The following SPATA6L variants were observed in gnomAD, a reference collection of about 807,000 sequenced individuals.
The protein encoded by SPATA6L is spermatogenesis associated 6-like protein.
SPATA6L carries 68 observed loss-of-function variants against 49.2 expected under a neutral mutation model. The ratio of observed to expected loss-of-function variants is 1.38; its 90% CI spans 1.14 to 1.69. SPATA6L has a LOEUF of 1.69. Ranked by LOEUF, SPATA6L falls within the 40% of genes most tolerant of loss-of-function variation. The pLI, the probability that SPATA6L is intolerant of heterozygous loss-of-function variation, is 0.00. For synonymous variants in SPATA6L, 198 were observed against 165.7 expected (o/e 1.19, Z -1.50); for missense variants, 668 against 464.3 (o/e 1.44, Z -4.03).
chr9:4,635,164 G>A, intron 4 of SPATA6L, 111 bp downstream of exon 4: 1 of 1,203,984 alleles, frequency 8.3e-7, no homozygotes, highest in Non-Finnish European at 1.1e-6. Flanking sequence ...CTACTAAACA[G>A]AACAGCAGGG....
At chr9:4,653,821 C>G (rs1587467861) in intron 3 of SPATA6L, among the ~76,000 whole-genome samples, 1 of 152,284 alleles carries the variant, frequency 6.6e-6, no homozygotes, top group East Asian at 1.9e-4. Context: ...CCTATAGTCC[C>G]AGCTACTTCA....
At chr9:4,643,602 G>C (rs1035103098) in intron 3 of SPATA6L, among the ~76,000 whole-genome samples, 9 of 152,194 alleles carry the variant, frequency 5.9e-5, no homozygotes, top group African/African-American at 2.2e-4. Context: ...GTAAACTACA[G>C]GTAATAATGT....
Position 4,662,537 on chromosome 9 carries a change from C to T in SPATA6L, c.40-501G>A, listed in dbSNP as rs186498890. On this transcript the variant is annotated intron_variant, in intron 1 of 11. Coordinates refer to ENST00000682582, the MANE Select transcript of SPATA6L (RefSeq NM_001353486.2). The surrounding 1 kb of genome is among the most constrained non-coding windows in gnomAD (Gnocchi z 4.9). Reference sequence around the variant, plus strand: ...GCCGCGCCACGGCCGTGGACCCCACCTGCGCCCGGCTCCGTGCATCGGAGA... The same window carrying T: ...GCCGCGCCACGGCCGTGGACCCCACTTGCGCCCGGCTCCGTGCATCGGAGA... 2.7e-5 allele frequency: 42 copies of T among 1,568,356 alleles called. No homozygotes were observed. In the Admixed American group the frequency reaches 3.4e-4, roughly 13 times the overall value.
chr9:4,651,319 A>G (rs921622302), intron 3 of SPATA6L, among the ~76,000 whole-genome samples: 2 of 152,252 alleles, frequency 1.3e-5, no homozygotes, highest in Non-Finnish European at 2.9e-5. Context: ...AAGAAGAAAC[A>G]GAAAATCTGA....
Position 4,662,423 on chromosome 9 carries a change from C to A in SPATA6L, c.40-387G>T. On this transcript the variant is annotated intron_variant, in intron 1 of 11. Coordinates refer to ENST00000682582, the MANE Select transcript of SPATA6L (RefSeq NM_001353486.2). This position sits in a 1 kb window ranked among gnomAD's most constrained non-coding sequence, Gnocchi z 4.9. ...TGGAGGGACGGCCGCTGGGCGTCTCCGCTTCGAGCAGCAGCAGCAGCCCCG... is the reference window on the plus strand; with the variant it reads ...TGGAGGGACGGCCGCTGGGCGTCTCAGCTTCGAGCAGCAGCAGCAGCCCCG... The A allele has an allele frequency of 6.5e-7, 1 of 1,539,964 alleles. No individual in the cohort carries two copies. The highest frequency in any genetic ancestry group is 8.7e-7 in the Non-Finnish European group (1 of 1,151,318).
At position 4,659,541 on chromosome 9, in the gene SPATA6L, A is replaced by T. The variant is rs183395975; in HGVS notation, c.177+2358T>A. On this transcript the variant is annotated intron_variant, in intron 2 of 11. Transcript: ENST00000682582. ...AAAATAAAAAAGAGGACACAAACAA[A>T]CGGAAGAAGATTCCATGCTCATGGA... is the stretch of plus-strand genomic sequence containing the variant. Among the ~76,000 whole-genome samples, 319 of 152,268 alleles carry T rather than the reference A, an allele frequency of 2.1e-3. 1 individual carries two copies. Among genetic ancestry groups the T allele is most frequent in the African/African-American group, 4.2e-3 (176 of 41,548 alleles).
chr9:4,660,858 A>T (rs1418284431), intron 2 of SPATA6L, among the ~76,000 whole-genome samples: 3 of 152,260 alleles, frequency 2.0e-5, no homozygotes, highest in African/African-American at 7.2e-5. Flanking sequence ...GCCATAAAAA[A>T]GGATGAGTTC....
rs940088617 is a variant in SPATA6L, at chr9:4,626,362, G to A, written c.430-796C>T. ...CACAGGAACCTTCCTCCAAGCTCCTGTGGCACCAGCAGTGAGCAGTGCCCC... is the reference window on the plus strand; with the variant it reads ...CACAGGAACCTTCCTCCAAGCTCCTATGGCACCAGCAGTGAGCAGTGCCCC... On this transcript the variant is annotated intron_variant, in intron 5 of 11. Transcript: ENST00000682582. The A allele has an allele frequency of 4.0e-5, 51 of 1,268,262 alleles. No individual in the cohort carries two copies. In the African/African-American group the frequency reaches 7.3e-4, roughly 18 times the overall value. 78.6% of individuals were successfully genotyped at this position (1,268,262 alleles called of 1,614,324 possible). A position where few individuals can be genotyped will look rare whatever the true frequency, so the allele number is the denominator to read the frequency against.
intron 3 of SPATA6L, chr9:4,646,499 G>T: frequency 6.6e-7 from 1 of 1,517,918 alleles, no homozygotes; most frequent in African/African-American, 1.4e-5. Flanking sequence ...GGAGGAACTA[G>T]CTGTATTAAT....
rs576894346 is a variant in SPATA6L, at chr9:4,611,815, A to T, written c.995+6108T>A. 1.8e-3 allele frequency among the ~76,000 whole-genome samples: 279 copies of T among 151,342 alleles called. 5 individuals are homozygous for T. The Middle Eastern group carries it at 0.024, about 13-fold the overall frequency. ...AAGTATAATAATAAAAGAAAAAAAA[A>T]TTTTTAATCCAAAAAATTTTAATAT... On this transcript the variant is annotated intron_variant, in intron 9 of 11. Coordinates refer to ENST00000682582, the MANE Select transcript of SPATA6L (RefSeq NM_001353486.2).
chr9:4,594,499 A>G (rs1030398337), downstream of SPATA6L, among the ~76,000 whole-genome samples: 2 of 152,228 alleles, frequency 1.3e-5, no homozygotes, highest in African/African-American at 2.4e-5. Flanking sequence ...GGTGTGAGCC[A>G]CCGCGCCCAG....
At chr9:4,663,289 G>A in intron 1 of SPATA6L, 1 of 1,599,076 alleles carries the variant, frequency 6.3e-7, no homozygotes, top group Non-Finnish European at 8.5e-7. Flanking sequence ...TATGGCACCA[G>A]GAAGTCTGAA....
intron 11 of SPATA6L, among the ~76,000 whole-genome samples, chr9:4,602,277 C>T (rs965639726): frequency 2.0e-5 from 3 of 152,064 alleles, no homozygotes; most frequent in Admixed American, 6.5e-5. Context: ...ATCATGTGGG[C>T]TATGTTCCGT....
In SPATA6L at chr9:4,632,111, C is replaced by G. The variant is rs568362972; in HGVS notation, c.352-2943G>C. 4.1e-4 allele frequency among the ~76,000 whole-genome samples: 58 copies of G among 142,856 alleles called. 1 individual carries two copies. The South Asian group carries it at 0.013, about 31-fold the overall frequency. 93.7% of individuals were successfully genotyped at this position (142,856 alleles called of 152,430 possible). ...CTGGAGTGCAGTGGCATGATCTTGG[C>G]TCACTCTGACCTCTGCCTCCTGCCT... On this transcript the variant is annotated intron_variant, in intron 4 of 11. Coordinates refer to ENST00000682582, the MANE Select transcript of SPATA6L (RefSeq NM_001353486.2).
chr9:4,593,400 C>T (rs903192870), downstream of SPATA6L, among the ~76,000 whole-genome samples: 8 of 152,034 alleles, frequency 5.3e-5, no homozygotes, highest in Admixed American at 4.6e-4. Flanking sequence ...ATCATTGTAT[C>T]CCTCCCTTAT....
chr9:4,619,849 T>C (rs752045262), intron 7 of SPATA6L, among the ~76,000 whole-genome samples: 3 of 152,020 alleles, frequency 2.0e-5, no homozygotes, highest in Non-Finnish European at 2.9e-5. Flanking sequence ...AATGAGGTAA[T>C]AAAGACACAG....
At chr9:4,615,105 A>G (rs10114973) in intron 9 of SPATA6L, among the ~76,000 whole-genome samples, 1 of 152,020 alleles carries the variant, frequency 6.6e-6, no homozygotes, top group Non-Finnish European at 1.5e-5. Context: ...ACCTCTATGA[A>G]CCCCATCATA....
chr9:4,632,309 C>T (rs1337644636), intron 4 of SPATA6L, among the ~76,000 whole-genome samples: 1 of 151,808 alleles, frequency 6.6e-6, no homozygotes, highest in East Asian at 1.9e-4. Flanking sequence ...CAAGATGAAG[C>T]TGAAGGCCGG....
chr9:4,613,279 G>A (rs1827204880), intron 9 of SPATA6L, among the ~76,000 whole-genome samples: 1 of 151,848 alleles, frequency 6.6e-6, no homozygotes, highest in South Asian at 2.1e-4. Flanking sequence ...TTTAATTAAT[G>A]TATGGTAAAC....
Sources: allele counts gnomAD v4.1 joint callset (sites outside exome capture counted in the v4.1 genomes callset), GRCh38; gene constraint gnomAD v4.1.1; non-coding constraint Gnocchi (gnomAD v3.1); transcripts MANE v1.5; gene names NCBI Gene and HGNC (gene_info 2026-07-23, HGNC 2026-07-21).